Variants in PKD1 observed in about 807,000 individuals in gnomAD.
The protein encoded by PKD1 is polycystin 1, transient receptor potential channel interacting.
A neutral mutation model predicts 361.7 loss-of-function variants in PKD1; 81 were observed. The ratio of observed to expected loss-of-function variants is 0.22; its 90% CI spans 0.19 to 0.27. The LOEUF is 0.27. PKD1 is among the 10% of genes least tolerant of loss of function. The pLI is 1.00. For synonymous variants in PKD1, 3,615 were observed against 2,818.3 expected (o/e 1.28, Z -8.95); for missense variants, 6,399 against 6,118.3 (o/e 1.05, Z -1.53).
Position 2,129,158 on chromosome 16 carries a change from C to A in PKD1, c.215+6317G>T, listed in dbSNP as rs553916796. Among the ~76,000 whole-genome samples the A allele has an allele frequency of 1.5e-3, 230 of 150,410 alleles. 1 individual carries two copies. Among genetic ancestry groups the A allele is most frequent in the African/African-American group, 5.4e-3 (220 of 40,922 alleles). On this transcript the variant is annotated intron_variant, in intron 1 of 45. Coordinates refer to ENST00000262304, the MANE Select transcript of PKD1 (RefSeq NM_001009944.3). Reference sequence around the variant, plus strand: ...TTACAGGCGTGAACCACCGCGCCCACCCTGTTTTTTTTTTTTTTTTTTAAA... The same window carrying A: ...TTACAGGCGTGAACCACCGCGCCCAACCTGTTTTTTTTTTTTTTTTTTAAA...
In PKD1 at chr16:2,097,238, T is replaced by A. The variant is rs1286213586; in HGVS notation, c.10409A>T (p.Glu3470Val). 6.3e-7 allele frequency: 1 copy of A among 1,587,842 alleles called. No homozygotes were observed. The highest frequency in any genetic ancestry group is 1.1e-5 in the South Asian group (1 of 87,678). ...SPAKSFSASDEDLIQQVLAEG... is the reference protein window; with the variant it reads ...SPAKSFSASDVDLIQQVLAEG... ...GGCAAGGACCTGCTGGATCAGGTCT[T>A]CATCTAGAGGTACAGGAGGCATAGG... Residue 3470 changes from glutamate to valine, a missense_variant, in exon 34 of 46, where the codon GAA becomes GTA. Glu to Val is a moderately radical substitution (Grantham distance 121). Coordinates refer to ENST00000262304, the MANE Select transcript of PKD1 (RefSeq NM_001009944.3).
In PKD1 at chr16:2,097,334, A is replaced by C. The variant is rs780317902; in HGVS notation, c.10390T>G (p.Ser3464Ala). The change falls in exon 33 of 46, where the codon TCC (serine) becomes GCC (alanine). Residue 3464 changes from serine (S) to alanine (A), a missense_variant. Physicochemically the swap from Ser to Ala is moderately conservative, Grantham distance 99. Coordinates refer to ENST00000262304, the MANE Select transcript of PKD1 (RefSeq NM_001009944.3). Reference sequence around the variant, plus strand: ...CCCAGCTCACCTGATGCTGAGAAGGATTTGGCAGGCGAGTAGGGGCTGGCC... The same window carrying C: ...CCCAGCTCACCTGATGCTGAGAAGGCTTTGGCAGGCGAGTAGGGGCTGGCC... Reference protein sequence around the residue: ...SLASPYSPAKSFSASDEDLIQ... With the variant: ...SLASPYSPAKAFSASDEDLIQ... The C allele has an allele frequency of 1.5e-5, 24 of 1,612,686 alleles. No homozygotes were observed. The South Asian group carries it at 2.6e-4, about 18-fold the overall frequency.
chr16:2,103,244 G>A (rs1256140146), intron 23 of PKD1, 22 bp downstream of exon 23: 2 of 1,608,472 alleles, frequency 1.2e-6, no homozygotes, highest in African/African-American at 1.3e-5. Flanking sequence ...GGGGCCGCGT[G>A]TGCCCCACCC....
rs968186691 is a variant in PKD1 at position 2,115,110 on chromosome 16, G to A, written c.2098-185C>T. On this transcript the variant is annotated intron_variant, in intron 10 of 45. Transcript: ENST00000262304. The stretch of plus-strand genomic sequence containing the variant: ...CAGACCGGGGGACACACGGGGAGAG[G>A]ACACAGGCCAAGACCTGGCAGACAG... The A allele has an allele frequency of 3.5e-5, 34 of 982,552 alleles. No individual in the cohort carries two copies. The African/African-American group carries it at 5.6e-4, about 16-fold the overall frequency. 60.9% of individuals were successfully genotyped at this position (982,552 alleles called of 1,614,324 possible). A position where few individuals can be genotyped will look rare whatever the true frequency, so the allele number is the denominator to read the frequency against.
chr16:2,132,861 C>T (rs2151853328), intron 1 of PKD1, among the ~76,000 whole-genome samples: 1 of 149,228 alleles, frequency 6.7e-6, no homozygotes, highest in South Asian at 2.1e-4. Flanking sequence ...GCGGGCGGAT[C>T]ATCTGAGGTC....
In PKD1 at chr16:2,100,652, G is replaced by A; in HGVS notation, c.9398-86C>T. 4 of 1,230,218 alleles carry A rather than the reference G, an allele frequency of 3.3e-6. No homozygotes were observed. The highest frequency in any genetic ancestry group is 2.5e-5 in the South Asian group (2 of 80,594). 76.2% of individuals were successfully genotyped at this position (1,230,218 alleles called of 1,614,324 possible). On this transcript the variant is annotated intron_variant, in intron 26 of 45. Transcript: ENST00000262304. The surrounding 1 kb of genome is among the most constrained non-coding windows in gnomAD (Gnocchi z 4.4). ...AGGCAAGTCATCTCAGCTTTGGCCT[G>A]TGCGCACTCAAGGAGCCACACAGGC...
At chr16:2,131,550 C>T (rs955460102) in intron 1 of PKD1, among the ~76,000 whole-genome samples, 8 of 150,076 alleles carry the variant, frequency 5.3e-5, no homozygotes, top group African/African-American at 1.7e-4. Context: ...TAAAATACAT[C>T]ACTCACACCT....
intron 38 of PKD1, 133 bp downstream of exon 38, chr16:2,092,821 T>C: frequency 8.9e-7 from 1 of 1,127,924 alleles, no homozygotes; most frequent in Non-Finnish European, 1.3e-6. Context: ...TGCCTACTGA[T>C]GCCAGCAGCA....
At chr16:2,131,022 G>A (rs1247482919) in intron 1 of PKD1, among the ~76,000 whole-genome samples, 2 of 152,164 alleles carry the variant, frequency 1.3e-5, no homozygotes, top group Non-Finnish European at 2.9e-5. Flanking sequence ...TGCCAGCCAG[G>A]ACAACCTCTG....
chr16:2,089,103 C>T lies in PKD1; in HGVS notation c.*624G>A, dbSNP rs1314645231. 1 of 175,802 alleles carries T rather than the reference C, an allele frequency of 5.7e-6. No homozygotes were observed. The allele number at this position is 175,802 out of a possible 1,614,324, so 10.9% of individuals were successfully genotyped here. On this transcript the variant is annotated 3_prime_UTR_variant, in exon 46 of 46. Coordinates refer to ENST00000262304, the MANE Select transcript of PKD1 (RefSeq NM_001009944.3). ...TGAGAGTGCCTGGCAGACAGCTGTG[C>T]CCCCAGCACCGGCCCAAGGCCAAGC...
In PKD1 at chr16:2,111,469, G is replaced by C. The variant is rs943624085; in HGVS notation, c.3698C>G (p.Ala1233Gly). 2.5e-6 allele frequency: 4 copies of C among 1,611,530 alleles called. No homozygotes were observed. In the African/African-American group the frequency reaches 5.3e-5, roughly 22 times the overall value. ...GATGTTGTCGCCCGTCTGCACCGCG[G>C]CGCTGACCACCACGGGGGCGCCCTG... is the stretch of plus-strand genomic sequence containing the variant. ...VEQGAPVVVS[A>G]AVQTGDNITW... The change falls in exon 15 of 46, where the codon GCC (alanine) becomes GGC (glycine). Residue 1233 changes from alanine (A) to glycine (G), a missense_variant. Physicochemically the swap from Ala to Gly is moderately conservative, Grantham distance 60. Coordinates refer to ENST00000262304, the MANE Select transcript of PKD1 (RefSeq NM_001009944.3).
rs761811310 is a variant in PKD1, at chr16:2,110,811, A to G, written c.4356T>C (p.Ser1452=). Residue 1452 remains serine (S), a synonymous_variant, in exon 15 of 46, where the codon TCT becomes TCC. Transcript: ENST00000262304. ...CCACCAGGGCTGAGTCATTGGCAGC[A>G]GAGATGTTGTTGGACGCGGTGACTG... ...LVTVTASNNI[S]AANDSALVEV... is the part of the protein sequence containing the mutation. 40 of 1,611,448 alleles carry G rather than the reference A, an allele frequency of 2.5e-5. No homozygotes were observed. Among genetic ancestry groups the G allele is most frequent in the South Asian group, 2.2e-4 (20 of 91,012 alleles).
Position 2,118,185 on chromosome 16 carries a change from G to C in PKD1, c.807C>G (p.Phe269Leu). The change falls in exon 5 of 46, where the codon TTC (phenylalanine) becomes TTG (leucine). Residue 269 changes from phenylalanine (F) to leucine (L), a missense_variant. Physicochemically the swap from Phe to Leu is conservative, Grantham distance 22. Transcript: ENST00000262304. This position sits in a 1 kb window ranked among gnomAD's most constrained non-coding sequence, Gnocchi z 6.0. ...CRGPTLLQHV[F>L]PASPGATLVG... ...CCAGGGTGGCCCCTGGGGAGGCAGGGAAGACGTGCTGGAGGAGGGTGGGGC... is the reference window on the plus strand; with the variant it reads ...CCAGGGTGGCCCCTGGGGAGGCAGGCAAGACGTGCTGGAGGAGGGTGGGGC... The C allele has an allele frequency of 7.1e-6, 11 of 1,555,336 alleles. No homozygotes were observed. The highest frequency in any genetic ancestry group is 9.5e-6 in the Non-Finnish European group (11 of 1,153,474).
At chr16:2,093,267 A>G in intron 37 of PKD1, 174 bp from the exon 38 acceptor site, 1 of 781,262 alleles carries the variant, frequency 1.3e-6, no homozygotes, top group East Asian at 2.7e-5. Context: ...CCCTGCCCGG[A>G]ACCCCACCTG....
rs774352488 is a variant in PKD1 at position 2,097,297 on chromosome 16, C to T, written c.10405+22G>A. The T allele has an allele frequency of 7.5e-5, 121 of 1,611,678 alleles. 1 individual carries two copies. Among genetic ancestry groups the T allele is most frequent in the Non-Finnish European group, 9.8e-5 (116 of 1,179,458 alleles). Reference sequence around the variant, plus strand: ...AGCTGCAAGGGTGAGCTTCAGAGCCCCCTCCTCTCACCCCAGCTCACCTGA... The same window carrying T: ...AGCTGCAAGGGTGAGCTTCAGAGCCTCCTCCTCTCACCCCAGCTCACCTGA... On this transcript the variant is annotated intron_variant, in intron 33 of 45. Transcript: ENST00000262304.
chr16:2,105,249 G>A (rs1596536040), intron 21 of PKD1, 73 bp downstream of exon 21: 12 of 1,510,778 alleles, frequency 7.9e-6, no homozygotes, highest in East Asian at 2.3e-5. Flanking sequence ...CAAGCTGCCC[G>A]TCTGCCCTGG....
At chr16:2,126,008 G>A (rs1029198225) in intron 1 of PKD1, among the ~76,000 whole-genome samples, 12 of 152,186 alleles carry the variant, frequency 7.9e-5, no homozygotes, top group South Asian at 6.2e-4. Context: ...GGATGGTGGG[G>A]GGGGGGGCAA....
At chr16:2,120,198 C>T (rs1202430390) in intron 1 of PKD1, 5 of 310,266 alleles carry the variant, frequency 1.6e-5, no homozygotes, top group Admixed American at 9.2e-5. Context: ...GGTGAAACGG[C>T]GAGACTCTAC....
At position 2,113,219 on chromosome 16, in the gene PKD1, G is replaced by C. The variant is rs1477089233; in HGVS notation, c.2927C>G (p.Thr976Ser). The C allele has an allele frequency of 1.4e-6, 2 of 1,416,944 alleles. No individual in the cohort carries two copies. The highest frequency in any genetic ancestry group is 1.4e-5 in the African/African-American group (1 of 70,598). The allele number at this position is 1,416,944 out of a possible 1,614,324, so 87.8% of individuals were successfully genotyped here. A position where few individuals can be genotyped will look rare whatever the true frequency, so the allele number is the denominator to read the frequency against. Residue 976 changes from threonine to serine, a missense_variant, in exon 12 of 46, where the codon ACC (threonine) becomes AGC (serine). By Grantham distance (58) the Thr-to-Ser change is moderately conservative. Coordinates refer to ENST00000262304, the MANE Select transcript of PKD1 (RefSeq NM_001009944.3). ...GACATTGAAGACCACGTTCTGGAAG[G>C]TCAGGGACTGCTTGTCGTTGATGGT... ...RWTINDKQSL[T>S]FQNVVFNVIY... is the part of the protein sequence containing the mutation.
Sources: gnomAD v4.1 joint callset for allele counts (sites outside exome capture counted in the v4.1 genomes callset) on GRCh38, gnomAD v4.1.1 for gene constraint, Gnocchi (gnomAD v3.1) non-coding constraint, MANE v1.5 for transcripts, NCBI Gene and HGNC (gene_info 2026-07-23, HGNC 2026-07-21) for gene names.